SULF1: variants seen among roughly 807,000 people sequenced by gnomAD.
The protein encoded by SULF1 is extracellular sulfatase Sulf-1.
In SULF1, 46 loss-of-function variants were observed where a neutral mutation model predicts 110.5. That is an observed-to-expected ratio of 0.42 (90% CI 0.33 to 0.53). The LOEUF is 0.53. SULF1 is among the 20% of genes least tolerant of loss of function. SULF1 has a pLI of 0.12. For synonymous variants in SULF1, 371 were observed against 387.1 expected (o/e 0.96, Z 0.49); for missense variants, 941 against 1,094.2 (o/e 0.86, Z 1.98).
chr8:69,638,737 C>G lies in SULF1; in HGVS notation c.2430C>G (p.Leu810=). ...GATTGTCCTGTCTGCATTCACAGCTCACAAATACAGTGCACACGGTAGAAC... is the reference window on the plus strand; with the variant it reads ...GATTGTCCTGTCTGCATTCACAGCTGACAAATACAGTGCACACGGTAGAAC... ...YFDMNTDPYQ[L]TNTVHTVERG... is the part of the protein sequence containing the mutation. The change falls in exon 21 of 23, where the codon CTC becomes CTG. Residue 810 remains leucine (L), a splice_region_variant and synonymous_variant. Coordinates refer to ENST00000402687, the MANE Select transcript of SULF1 (RefSeq NM_001128205.2). The G allele has an allele frequency of 6.2e-7, 1 of 1,613,800 alleles. No individual in the cohort carries two copies.
intron 13 of SULF1, among the ~76,000 whole-genome samples, chr8:69,614,082 T>C (rs1303827354): frequency 6.6e-6 from 1 of 152,028 alleles, no homozygotes; most frequent in East Asian, 1.9e-4. Flanking sequence ...AAACCATGTG[T>C]GGGTGTATGT....
At chr8:69,590,825 A>G (rs1806842896) in intron 8 of SULF1, among the ~76,000 whole-genome samples, 1 of 152,204 alleles carries the variant, frequency 6.6e-6, no homozygotes, top group Non-Finnish European at 1.5e-5. Flanking sequence ...AAATTCATGA[A>G]TGAAGCCCAT....
rs190036828 is a variant in SULF1 at position 69,578,561 on chromosome 8, A to T, written c.412+2352A>T. ...TGGGAAGAGCCGGCACCGGGACCTT[A>T]GTCTTCAGGGCTCTCTCCAGTGTGC... On this transcript the variant is annotated intron_variant, in intron 6 of 22. Transcript: ENST00000402687. Among the ~76,000 whole-genome samples the T allele has an allele frequency of 2.1e-3, 284 of 134,130 alleles. 1 individual carries two copies. The highest frequency in any genetic ancestry group is 6.1e-3 in the African/African-American group (214 of 34,984). 88.0% of individuals were successfully genotyped at this position (134,130 alleles called of 152,430 possible). A position where few individuals can be genotyped will look rare whatever the true frequency, so the allele number is the denominator to read the frequency against.
chr8:69,540,022 G>T (rs1048835734), intron 3 of SULF1, among the ~76,000 whole-genome samples: 3 of 152,168 alleles, frequency 2.0e-5, no homozygotes, highest in African/African-American at 7.2e-5. Context: ...CAGTGATCTG[G>T]AAAAGTAATT....
intron 13 of SULF1, among the ~76,000 whole-genome samples, chr8:69,608,943 G>A (rs1004625174): frequency 6.6e-6 from 1 of 152,074 alleles, no homozygotes; most frequent in African/African-American, 2.4e-5. Flanking sequence ...TCACACACAT[G>A]CACATGTGCA....
intron 18 of SULF1, 100 bp downstream of exon 18, chr8:69,628,336 C>A: frequency 1.0e-6 from 1 of 995,268 alleles, no homozygotes; most frequent in Non-Finnish European, 1.6e-6. Context: ...TGCAGTGCCG[C>A]TTCAGAAGAA....
rs141658313 is a variant in SULF1, at chr8:69,469,246, C to T, written c.-391+2296C>T. On this transcript the variant is annotated intron_variant, in intron 1 of 22. Coordinates refer to the SULF1 transcript ENST00000260128. ...ACCTCAGTTTGACATTTGGTTTCTTCCTGACAGCACTTGTGCTGGTAATAC... is the reference window on the plus strand; with the variant it reads ...ACCTCAGTTTGACATTTGGTTTCTTTCTGACAGCACTTGTGCTGGTAATAC... 5.3e-5 allele frequency: 8 copies of T among 152,322 alleles called. No homozygotes were observed. In the East Asian group the frequency reaches 9.6e-4, roughly 18 times the overall value. 9.4% of individuals were successfully genotyped at this position (152,322 alleles called of 1,614,324 possible).
intron 3 of SULF1, among the ~76,000 whole-genome samples, chr8:69,508,820 G>A (rs1811366440): frequency 6.6e-6 from 1 of 152,152 alleles, no homozygotes; most frequent in Non-Finnish European, 1.5e-5. Context: ...GAGGTATGAT[G>A]CCCAGCAGGA....
chr8:69,555,000 A>C (rs201565069), intron 3 of SULF1, among the ~76,000 whole-genome samples: 587 of 31,768 alleles, frequency 0.018, 8 homozygotes, highest in African/African-American at 0.13. Flanking sequence ...AAAAAAAAAC[A>C]AAAAAAAAAA....
chr8:69,500,516 T>A (rs966034118), intron 2 of SULF1, among the ~76,000 whole-genome samples: 2 of 152,248 alleles, frequency 1.3e-5, no homozygotes, highest in Non-Finnish European at 2.9e-5. Context: ...CACAGCCAGA[T>A]ACTTTTGACA....
intron 3 of SULF1, among the ~76,000 whole-genome samples, chr8:69,530,081 T>C (rs553616049): frequency 1.3e-5 from 2 of 152,314 alleles, no homozygotes; most frequent in South Asian, 4.2e-4. Flanking sequence ...ATAAATGCAG[T>C]AAATGCATTC....
intron 3 of SULF1, among the ~76,000 whole-genome samples, chr8:69,553,006 G>A (rs767173485): frequency 6.6e-6 from 1 of 152,198 alleles, no homozygotes; most frequent in Non-Finnish European, 1.5e-5. Context: ...TGATGAGTGA[G>A]AGGTTTTATT....
intron 3 of SULF1, among the ~76,000 whole-genome samples, chr8:69,528,536 A>G (rs191708135): frequency 6.6e-6 from 1 of 152,180 alleles, no homozygotes; most frequent in African/African-American, 2.4e-5. Context: ...TTCTTTAATT[A>G]TGTACTGGTA....
At chr8:69,622,430 A>C (rs1004726080) in intron 14 of SULF1, among the ~76,000 whole-genome samples, 1 of 152,224 alleles carries the variant, frequency 6.6e-6, no homozygotes, top group South Asian at 2.1e-4. Flanking sequence ...ATTACAAAAA[A>C]AATTAGCTGG....
At chr8:69,474,623 T>C (rs1809227096) in intron 1 of SULF1, among the ~76,000 whole-genome samples, 1 of 152,166 alleles carries the variant, frequency 6.6e-6, no homozygotes, top group African/African-American at 2.4e-5. Flanking sequence ...AACAGATAAA[T>C]AAAAGCATAG....
At chr8:69,586,532 T>C (rs1396992359) in intron 7 of SULF1, 24 bp downstream of exon 7, 1 of 1,599,244 alleles carries the variant, frequency 6.3e-7, no homozygotes, top group Non-Finnish European at 8.5e-7. Flanking sequence ...ACTTTTACAC[T>C]GCATCAATTT....
chr8:69,520,296 GT>G (rs150276400), intron 3 of SULF1, among the ~76,000 whole-genome samples: 13 of 150,632 alleles, frequency 8.6e-5, no homozygotes, highest in Admixed American at 2.0e-4. Flanking sequence ...CTATATTTCT[GT>G]TTTTTTTTCC....
intron 21 of SULF1, among the ~76,000 whole-genome samples, chr8:69,640,297 C>A (rs1256134655): frequency 6.6e-6 from 1 of 152,122 alleles, no homozygotes; most frequent in East Asian, 1.9e-4. Context: ...GAACATAGGA[C>A]TTTTATTGGT....
chr8:69,584,810 G>A lies in SULF1; in HGVS notation c.413-1547G>A, dbSNP rs1376693546. ...TGTGAAAATCTTCAATTGAACCATC[G>A]TAGGTCAGGGACCATCTGTAGTCGT... is the stretch of plus-strand genomic sequence containing the variant. On this transcript the variant is annotated intron_variant, in intron 6 of 22. Transcript: ENST00000402687. 7.2e-5 allele frequency among the ~76,000 whole-genome samples: 11 copies of A among 152,134 alleles called. No homozygotes were observed. In the South Asian group the frequency reaches 8.3e-4, roughly 11 times the overall value.
Sources: gnomAD v4.1 joint callset for allele counts (sites outside exome capture counted in the v4.1 genomes callset) on GRCh38, gnomAD v4.1.1 for gene constraint, MANE v1.5 for transcripts, NCBI Gene and HGNC (gene_info 2026-07-23, HGNC 2026-07-21) for gene names.